The following USP7 variants were observed in gnomAD, a reference collection of about 807,000 sequenced individuals.
The protein encoded by USP7 is ubiquitin C-terminal hydrolase 7.
Under a neutral mutation model 162.9 loss-of-function variants are expected in USP7, and 9 were observed. That is an observed-to-expected ratio of 0.06 (90% CI 0.03 to 0.10). The LOEUF (loss-of-function observed/expected upper bound fraction) is 0.10. Ranked by LOEUF, USP7 falls within the 10% of genes least tolerant of loss-of-function variation. The pLI, the probability that USP7 is intolerant of heterozygous loss-of-function variation, is 1.00. For synonymous variants in USP7, 562 were observed against 475.9 expected (o/e 1.18, Z -2.35); for missense variants, 715 against 1,373.7 (o/e 0.52, Z 7.58).
rs375822619 is a variant in USP7 at position 8,900,636 on chromosome 16, G to A, written c.2209-6C>T. On this transcript the variant is annotated splice_polypyrimidine_tract_variant and splice_region_variant and intron_variant, in intron 20 of 30. Coordinates refer to ENST00000344836, the MANE Select transcript of USP7 (RefSeq NM_003470.3). ...GTTAAATTCGGTTTAACTTCCTACA[G>A]TGAAAGATATAAAATTGTTACACTG... 6.9e-6 allele frequency: 11 copies of A among 1,597,604 alleles called. No homozygotes were observed. In the African/African-American group the frequency reaches 9.4e-5, roughly 14 times the overall value.
intron 6 of USP7, among the ~76,000 whole-genome samples, chr16:8,918,560 AG>A (rs377071417): frequency 4.6e-5 from 7 of 152,210 alleles, no homozygotes; most frequent in African/African-American, 1.4e-4. Context: ...CTATAATCTG[AG>A]CCCCTTGGGA....
intron 18 of USP7, among the ~76,000 whole-genome samples, chr16:8,901,466 T>C (rs936378560): frequency 1.3e-5 from 2 of 152,174 alleles, no homozygotes; most frequent in African/African-American, 2.4e-5. Context: ...GGAAACCCAC[T>C]ACATTTAGAC....
At chr16:8,898,719 A>ACC in intron 23 of USP7, 80 bp from the exon 24 acceptor site, 1 of 1,184,410 alleles carries the variant, frequency 8.4e-7, no homozygotes, top group South Asian at 1.5e-5. Flanking sequence ...CATAAAAGCA[A>ACC]ACCGCTGGCC....
intron 2 of USP7, among the ~76,000 whole-genome samples, chr16:8,923,794 G>A (rs1897841333): frequency 6.6e-6 from 1 of 152,108 alleles, no homozygotes; most frequent in South Asian, 2.1e-4. Context: ...GGACTTCTGG[G>A]GGTAAAGACC....
Position 8,950,376 on chromosome 16 carries a change from A to T in USP7, c.79+12831T>A, listed in dbSNP as rs180752719. ...ATTAAAACAGTATTTTAAGAAAAAT[A>T]AAAGCCCTTTAATTTCATCAAAAAA... On this transcript the variant is annotated intron_variant, in intron 1 of 30. Transcript: ENST00000344836. Among the ~76,000 whole-genome samples the T allele has an allele frequency of 1.5e-3, 236 of 152,358 alleles. 1 individual carries two copies. The highest frequency in any genetic ancestry group is 4.5e-3 in the African/African-American group (187 of 41,580).
At chr16:8,952,982 G>A (rs1249552888) in intron 1 of USP7, among the ~76,000 whole-genome samples, 1 of 152,034 alleles carries the variant, frequency 6.6e-6, no homozygotes, top group African/African-American at 2.4e-5. Context: ...GATTACAGTC[G>A]CGTGTCACCA....
intron 1 of USP7, among the ~76,000 whole-genome samples, chr16:8,960,406 T>A (rs573112990): frequency 2.0e-5 from 3 of 152,220 alleles, no homozygotes; most frequent in Non-Finnish European, 4.4e-5. Flanking sequence ...ATACAAGGAC[T>A]GTGCAGAGTT....
At chr16:8,905,128 T>C in intron 14 of USP7, 59 bp downstream of exon 14, 3 of 1,573,470 alleles carry the variant, frequency 1.9e-6, no homozygotes, top group Non-Finnish European at 2.6e-6. Flanking sequence ...TGGAGATTCA[T>C]GGTACAAATG....
At chr16:8,900,954 G>A (rs2061764776) in intron 20 of USP7, 36 bp downstream of exon 20, 2 of 1,603,144 alleles carry the variant, frequency 1.2e-6, no homozygotes, top group Non-Finnish European at 1.7e-6. Context: ...AAACTACTAA[G>A]AATATACTAA....
At chr16:8,903,151 T>C in intron 16 of USP7, 117 bp downstream of exon 16, 6 of 1,363,894 alleles carry the variant, frequency 4.4e-6, no homozygotes, top group Non-Finnish European at 5.0e-6. Flanking sequence ...TCCTCACTGT[T>C]AGGCAGTGGC....
At chr16:8,915,857 C>A (rs1027784664) in intron 8 of USP7, among the ~76,000 whole-genome samples, 1 of 152,162 alleles carries the variant, frequency 6.6e-6, no homozygotes, top group Non-Finnish European at 1.5e-5. Context: ...ATGGTCCACA[C>A]CAAGAGATTA....
At chr16:8,906,317 C>A in intron 13 of USP7, 109 bp downstream of exon 13, 1 of 1,264,092 alleles carries the variant, frequency 7.9e-7, no homozygotes, top group East Asian at 2.4e-5. Context: ...ATACATAGAT[C>A]AGTTAGGGGT....
rs1039637527 is a variant in USP7, at chr16:8,906,531, A to T, written c.1323T>A (p.Asp441Glu). The change falls in exon 13 of 31, where the codon GAT becomes GAA. Residue 441 changes from aspartate to glutamate, a missense_variant. Around this residue, in one of 11 missense-constraint regions of USP7, gnomAD observed 31 missense variants for 135.9 expected, o/e 0.23. Transcript: ENST00000344836. ...GAATATAATTTGCAGGGTCCTTAGG[A>T]TCTGTTTTTTGCAAAAATTCATCAA... ...LPLDEFLQKT[D>E]PKDPANYILH... 1 of 1,613,736 alleles carries T rather than the reference A, an allele frequency of 6.2e-7. No homozygotes were observed. The highest frequency in any genetic ancestry group is 8.5e-7 in the Non-Finnish European group (1 of 1,179,994).
At chr16:8,934,354 G>C (rs973758288) in intron 1 of USP7, among the ~76,000 whole-genome samples, 8 of 152,196 alleles carry the variant, frequency 5.3e-5, no homozygotes, top group Non-Finnish European at 1.0e-4. Flanking sequence ...TCAGATTAGA[G>C]CTCAAAGAAG....
At chr16:8,898,128 G>A (rs1409095464) in intron 25 of USP7, among the ~76,000 whole-genome samples, 1 of 152,122 alleles carries the variant, frequency 6.6e-6, no homozygotes, top group Admixed American at 6.5e-5. Flanking sequence ...ACCCAGAAGG[G>A]AAGGGTTGGC....
intron 2 of USP7, among the ~76,000 whole-genome samples, chr16:8,926,070 C>T (rs931646789): frequency 4.6e-5 from 7 of 151,480 alleles, no homozygotes; most frequent in Non-Finnish European, 1.0e-4. Context: ...AGGAGAATGG[C>T]GTGAACCCGG....
At chr16:8,911,138 G>A (rs779341524) in intron 10 of USP7, among the ~76,000 whole-genome samples, 1 of 152,190 alleles carries the variant, frequency 6.6e-6, no homozygotes, top group Non-Finnish European at 1.5e-5. Flanking sequence ...CTTGGAATTG[G>A]GCAGTGTGGA....
At position 8,950,617 on chromosome 16, in the gene USP7, T is replaced by C. The variant is rs370922107; in HGVS notation, c.79+12590A>G. On this transcript the variant is annotated intron_variant, in intron 1 of 30. Coordinates refer to ENST00000344836, the MANE Select transcript of USP7 (RefSeq NM_003470.3). The stretch of plus-strand genomic sequence containing the variant: ...GACTGGGCGCTGACAGAGACAACAG[T>C]CTCAGTTACCAACCCAGCCCTGTCT... Among the ~76,000 whole-genome samples the C allele has an allele frequency of 3.3e-5, 5 of 152,112 alleles. No homozygotes were observed. In the East Asian group the frequency reaches 5.8e-4, roughly 18 times the overall value.
Position 8,893,001 on chromosome 16 carries a change from TA to T in USP7, c.*996del, listed in dbSNP as rs1272397357. ...AACGGGGCTGGGACCGAAATAAAAC[TA>T]CACACAATGAATATCAACATCAGTG... On this transcript the variant is annotated 3_prime_UTR_variant, in exon 31 of 31. Transcript: ENST00000344836. 5 of 152,148 alleles carry T rather than the reference TA, an allele frequency of 3.3e-5. No individual in the cohort carries two copies. Among genetic ancestry groups the T allele is most frequent in the Non-Finnish European group, 2.9e-5 (2 of 68,026 alleles). 9.4% of individuals were successfully genotyped at this position (152,148 alleles called of 1,614,324 possible).
Sources: gnomAD v4.1 joint callset for allele counts (sites outside exome capture counted in the v4.1 genomes callset) on GRCh38, gnomAD v4.1.1 for gene constraint, gnomAD v4.1.1 regional missense constraint, MANE v1.5 for transcripts, NCBI Gene and HGNC (gene_info 2026-07-23, HGNC 2026-07-21) for gene names.